FOXP1: variants seen among roughly 807,000 people sequenced by gnomAD.
The protein encoded by FOXP1 is forkhead box protein P1.
In FOXP1, 15 loss-of-function variants were observed where a neutral mutation model predicts 98.2. The ratio of observed to expected loss-of-function variants is 0.15; its 90% CI spans 0.10 to 0.24. The LOEUF is 0.24. FOXP1 is among the 10% of genes least tolerant of loss of function. The pLI, the probability that FOXP1 is intolerant of heterozygous loss-of-function variation, is 1.00. For missense variants in FOXP1, 633 were observed against 848.5 expected (o/e 0.75, Z 3.15); for synonymous variants, 371 against 314.5 (o/e 1.18, Z -1.90).
At chr3:71,196,760 T>C (rs2063326817) in intron 6 of FOXP1, among the ~76,000 whole-genome samples, 1 of 152,210 alleles carries the variant, frequency 6.6e-6, no homozygotes. Flanking sequence ...TGGTTGGAAT[T>C]TGGCCATCTG....
rs535397118 is a variant in FOXP1 at position 71,450,523 on chromosome 3, G to C, written c.-168+42903C>G. Reference sequence around the variant, plus strand: ...AGCTACGAAATAAGTCAGTGTGTTAGGATGTGTGAACACATGGCTTGCTCT... The same window carrying C: ...AGCTACGAAATAAGTCAGTGTGTTACGATGTGTGAACACATGGCTTGCTCT... On this transcript the variant is annotated intron_variant, in intron 3 of 20. Transcript: ENST00000649528. 1.5e-4 allele frequency among the ~76,000 whole-genome samples: 23 copies of C among 152,306 alleles called. 1 individual carries two copies. Among genetic ancestry groups the C allele is most frequent in the Admixed American group, 9.8e-4 (15 of 15,302 alleles).
intron 4 of FOXP1, among the ~76,000 whole-genome samples, chr3:71,358,315 C>T (rs183641439): frequency 1.2e-3 from 189 of 152,306 alleles, no homozygotes; most frequent in Admixed American, 2.9e-3. Flanking sequence ...ATTTCAACAG[C>T]TAGTCCATCA....
chr3:71,317,737 C>A (rs1404845451), intron 4 of FOXP1, among the ~76,000 whole-genome samples: 10 of 152,002 alleles, frequency 6.6e-5, no homozygotes, highest in Non-Finnish European at 8.8e-5. Flanking sequence ...GTCCCCCCCA[C>A]ACAATTGTTA....
chr3:71,317,768 T>C (rs766233177), intron 4 of FOXP1, among the ~76,000 whole-genome samples: 2 of 152,086 alleles, frequency 1.3e-5, no homozygotes, highest in Non-Finnish European at 2.9e-5. Context: ...TGTCTGAGTA[T>C]AACACGTCCC....
chr3:71,476,657 ATTT>A lies in FOXP1; in HGVS notation c.-168+16766_-168+16768del, dbSNP rs55733297. ...AGGCACCCGCCATCATGCCCAGCTAATTTTTTTTTTTTTTTTTTTGTATTTTTG... is the reference window on the plus strand; with the variant it reads ...AGGCACCCGCCATCATGCCCAGCTAATTTTTTTTTTTTTTTTGTATTTTTG... On this transcript the variant is annotated intron_variant, in intron 3 of 20. Transcript: ENST00000649528. Among the ~76,000 whole-genome samples, 423 of 134,454 alleles carry A rather than the reference ATTT, an allele frequency of 3.1e-3. 1 individual carries two copies. The highest frequency in any genetic ancestry group is 4.0e-3 in the Admixed American group (54 of 13,524). 88.2% of individuals were successfully genotyped at this position (134,454 alleles called of 152,430 possible).
chr3:71,556,401 C>T (rs1012284885), intron 2 of FOXP1, among the ~76,000 whole-genome samples: 4 of 151,938 alleles, frequency 2.6e-5, no homozygotes, highest in African/African-American at 9.7e-5. Context: ...CATGGTGAAA[C>T]TCTGTCTCTA....
intron 3 of FOXP1, among the ~76,000 whole-genome samples, chr3:71,378,422 TA>T (rs1002719821): frequency 2.0e-5 from 3 of 152,284 alleles, no homozygotes; most frequent in African/African-American, 7.2e-5. Flanking sequence ...GAAAATTCCA[TA>T]AATTTTCAAT....
At chr3:71,215,326 G>A (rs1358927315) in intron 5 of FOXP1, among the ~76,000 whole-genome samples, 1 of 152,166 alleles carries the variant, frequency 6.6e-6, no homozygotes, top group Non-Finnish European at 1.5e-5. Flanking sequence ...CTGAGTGTTA[G>A]GGTGCCAACA....
At chr3:71,292,319 A>G (rs2072840472) in intron 5 of FOXP1, among the ~76,000 whole-genome samples, 1 of 152,112 alleles carries the variant, frequency 6.6e-6, no homozygotes, top group African/African-American at 2.4e-5. Context: ...ATTAAAAAGT[A>G]ATTTTATTTT....
intron 6 of FOXP1, among the ~76,000 whole-genome samples, chr3:71,158,904 A>G (rs2060991740): frequency 6.6e-6 from 1 of 152,030 alleles, no homozygotes; most frequent in African/African-American, 2.4e-5. Flanking sequence ...CAGGAGTTCG[A>G]GACCAGCCTG....
chr3:71,507,586 T>A (rs2107277021), intron 2 of FOXP1, among the ~76,000 whole-genome samples: 1 of 151,572 alleles, frequency 6.6e-6, no homozygotes, highest in South Asian at 2.1e-4. Context: ...AAACTGCTTT[T>A]TTTTTTTTTG....
chr3:71,413,246 CATCCCCCAAATAG>C (rs368641816), intron 3 of FOXP1, among the ~76,000 whole-genome samples: 2 of 35,816 alleles, frequency 5.6e-5, no homozygotes, highest in African/African-American at 9.7e-5. Flanking sequence ...GACACACACA[CATCCCCCAAATAG>C]ACACACACAC....
chr3:71,122,491 A>C (rs948528798), intron 6 of FOXP1, among the ~76,000 whole-genome samples: 3 of 152,218 alleles, frequency 2.0e-5, no homozygotes, highest in African/African-American at 7.2e-5. Context: ...CGAATAGCTA[A>C]GATTGTATCT....
chr3:71,531,166 C>T (rs1160577335), intron 2 of FOXP1, among the ~76,000 whole-genome samples: 2 of 152,198 alleles, frequency 1.3e-5, no homozygotes, highest in African/African-American at 2.4e-5. Context: ...TTCTTCCGGG[C>T]CCAGGGCTCA....
intron 6 of FOXP1, among the ~76,000 whole-genome samples, chr3:71,181,691 C>G (rs979892109): frequency 6.6e-6 from 1 of 152,112 alleles, no homozygotes; most frequent in Non-Finnish European, 1.5e-5. Flanking sequence ...TAAGCCCACA[C>G]AGACTGGGAA....
intron 2 of FOXP1, among the ~76,000 whole-genome samples, chr3:71,512,231 A>C (rs2042252052): frequency 6.6e-6 from 1 of 152,194 alleles, no homozygotes; most frequent in African/African-American, 2.4e-5. Flanking sequence ...TAGAGACAGG[A>C]TATAGGGCCT....
At chr3:71,365,287 G>T (rs2078840688) in intron 3 of FOXP1, among the ~76,000 whole-genome samples, 1 of 152,072 alleles carries the variant, frequency 6.6e-6, no homozygotes, top group African/African-American at 2.4e-5. Context: ...TTGCCAAAGG[G>T]TTAAGAGATG....
intron 2 of FOXP1, among the ~76,000 whole-genome samples, chr3:71,507,482 TA>T (rs2041908996): frequency 6.6e-6 from 1 of 152,054 alleles, no homozygotes; most frequent in South Asian, 2.1e-4. Context: ...ATGCAACCAT[TA>T]AAAAGTATTG....
At chr3:71,434,235 G>C (rs962224318) in intron 3 of FOXP1, among the ~76,000 whole-genome samples, 1 of 152,138 alleles carries the variant, frequency 6.6e-6, no homozygotes, top group Non-Finnish European at 1.5e-5. Flanking sequence ...CCAAGTGAAA[G>C]ATACAGAAAA....
Sources: allele counts gnomAD v4.1 joint callset (sites outside exome capture counted in the v4.1 genomes callset), GRCh38; gene constraint gnomAD v4.1.1; transcripts MANE v1.5; gene names NCBI Gene and HGNC (gene_info 2026-07-23, HGNC 2026-07-21).